The following REEP4 variants were observed in gnomAD, a reference collection of about 807,000 sequenced individuals.
REEP4 encodes receptor expression-enhancing protein 4.
REEP4 carries 17 observed loss-of-function variants against 33.5 expected under a neutral mutation model. The observed-to-expected ratio is 0.51, with a 90% CI of 0.35 to 0.76. The LOEUF (loss-of-function observed/expected upper bound fraction) is 0.76, where lower values mean the gene tolerates loss of function less well. REEP4 is among the 30% of genes least tolerant of loss of function. REEP4 has a pLI of 0.01. For missense variants in REEP4, 340 were observed against 357.9 expected, an observed-to-expected ratio of 0.95 and a Z score of 0.40; for synonymous variants, 157 against 142.9, an observed-to-expected ratio of 1.10 and a Z score of -0.70.
At position 22,139,514 on chromosome 8, in the gene REEP4, T is replaced by C. The variant is rs561480835; in HGVS notation, c.319A>G (p.Ile107Val). Residue 107 changes from isoleucine to valine, a missense_variant, in exon 5 of 8, where the codon ATC (isoleucine) becomes GTC (valine). Physicochemically the swap from Ile to Val is conservative, Grantham distance 29. Transcript: ENST00000306306. ...TAGCTGCGCTCCTTGGCCTGCACGA[T>C]GTACGCGTCGATCTCCTGTGGACCC... The part of the protein sequence containing the change: ...SRHEKEIDAY[I>V]VQAKERSYET... 9 of 1,609,808 alleles carry C rather than the reference T, an allele frequency of 5.6e-6. No homozygotes were observed. The African/African-American group carries it at 8.0e-5, about 14-fold the overall frequency.
In REEP4 at chr8:22,141,332, A is replaced by T. The variant is rs1051856514; in HGVS notation, c.32+119T>A. The T allele has an allele frequency of 1.1e-5, 13 of 1,218,364 alleles. No homozygotes were observed. In the Admixed American group the frequency reaches 1.9e-4, roughly 17 times the overall value. The allele number at this position is 1,218,364 out of a possible 1,614,324, so 75.5% of individuals were successfully genotyped here. ...AGCCCACAGGTCCGTTAACCCTTGC[A>T]TGGAGTGCTGGAGGGTGGAGCTCAG... On this transcript the variant is annotated intron_variant, in intron 1 of 7. Coordinates refer to ENST00000306306, the MANE Select transcript of REEP4 (RefSeq NM_025232.4).
In REEP4 at chr8:22,138,392, G is replaced by A. The variant is rs768289641; in HGVS notation, c.*95C>T. The A allele has an allele frequency of 1.0e-5, 15 of 1,432,084 alleles. No homozygotes were observed. The Admixed American group carries it at 2.6e-4, about 24-fold the overall frequency. The allele number at this position is 1,432,084 out of a possible 1,614,324, so 88.7% of individuals were successfully genotyped here. ...TCAGGAGGGTGGGGCCCAGGCAGCT[G>A]GTGCAGGCAGGCCAGATGTGCAGCC... is the stretch of plus-strand genomic sequence containing the variant. On this transcript the variant is annotated 3_prime_UTR_variant, in exon 8 of 8. Coordinates refer to ENST00000306306, the MANE Select transcript of REEP4 (RefSeq NM_025232.4).
chr8:22,139,312 C>T, intron 5 of REEP4, 104 bp downstream of exon 5: 1 of 1,042,026 alleles, frequency 9.6e-7, no homozygotes, highest in Non-Finnish European at 1.4e-6. Context: ...CTCACCCCTG[C>T]TCCCCGGCTG....
Position 22,139,038 on chromosome 8 carries a change from C to A in REEP4, c.441G>T (p.Arg147Ser), listed in dbSNP as rs376569868. 6 of 1,581,108 alleles carry A rather than the reference C, an allele frequency of 3.8e-6. No individual in the cohort carries two copies. Among genetic ancestry groups the A allele is most frequent in the Non-Finnish European group, 5.1e-6 (6 of 1,165,188 alleles). ...GGTCCTGCATGGAGAAGCTCCGCAG[C>A]CTGCCGGCCAGCGCCCCCTGACTCT... The part of the protein sequence containing the change: ...ATKSQGALAG[R>S]LRSFSMQDLR... Residue 147 changes from arginine (R) to serine (S), a missense_variant, in exon 6 of 8, where the codon AGG becomes AGT. Arg to Ser is a moderately radical substitution (Grantham distance 110, BLOSUM62 -1). Coordinates refer to ENST00000306306, the MANE Select transcript of REEP4 (RefSeq NM_025232.4).
At chr8:22,141,253 G>A (rs1336986379) in intron 1 of REEP4, among the ~76,000 whole-genome samples, 198 bp downstream of exon 1, 1 of 152,240 alleles carries the variant, frequency 6.6e-6, no homozygotes, top group Non-Finnish European at 1.5e-5. Flanking sequence ...GTCGTTCTCA[G>A]CCAACGAGGC....
rs1827157930 is a variant in REEP4 at position 22,138,175 on chromosome 8, G to C, written c.*312C>G. On this transcript the variant is annotated 3_prime_UTR_variant, in exon 8 of 8. Coordinates refer to ENST00000306306, the MANE Select transcript of REEP4 (RefSeq NM_025232.4). The stretch of plus-strand genomic sequence containing the variant: ...ATGAACACACCCAGGTGGACGTTTG[G>C]TTTCATTTGCAGGGGTTCAGGGAGG... The C allele has an allele frequency of 1.7e-6, 1 of 602,158 alleles. No individual in the cohort carries two copies. The highest frequency in any genetic ancestry group is 3.0e-6 in the Non-Finnish European group (1 of 337,304). The allele number at this position is 602,158 out of a possible 1,614,324, so 37.3% of individuals were successfully genotyped here. A position where few individuals can be genotyped will look rare whatever the true frequency, so the allele number is the denominator to read the frequency against.
intron 1 of REEP4, 83 bp downstream of exon 1, chr8:22,141,368 C>T: frequency 1.3e-6 from 2 of 1,506,052 alleles, no homozygotes; most frequent in Non-Finnish European, 1.8e-6. Context: ...AAAGTTCCTC[C>T]TCCCACTAGA....
intron 2 of REEP4, 63 bp from the exon 3 acceptor site, chr8:22,140,311 G>T: frequency 6.5e-7 from 1 of 1,528,240 alleles, no homozygotes; most frequent in Non-Finnish European, 9.1e-7. Flanking sequence ...ACCCAGGCCA[G>T]CCCAGCCCAG....
rs141897457 is a variant in REEP4 at position 22,139,481 on chromosome 8, C to T, written c.352G>A (p.Val118Met). ...VQAKERSYET[V>M]LSFGKRGLNI... Reference sequence around the variant, plus strand: ...AGGCCCCGCTTCCCGAAGCTGAGCACGGTCTCGTAGCTGCGCTCCTTGGCC... The same window carrying T: ...AGGCCCCGCTTCCCGAAGCTGAGCATGGTCTCGTAGCTGCGCTCCTTGGCC... Residue 118 changes from valine (V) to methionine (M), a missense_variant, in exon 5 of 8, where the codon GTG (valine) becomes ATG (methionine). Physicochemically the swap from Val to Met is conservative, Grantham distance 21 (BLOSUM62 1). Transcript: ENST00000306306. 4.2e-5 allele frequency: 68 copies of T among 1,610,706 alleles called. No individual in the cohort carries two copies. Among genetic ancestry groups the T allele is most frequent in the Middle Eastern group, 1.6e-4 (1 of 6,082 alleles).
intron 4 of REEP4, 88 bp from the exon 5 acceptor site, chr8:22,139,617 C>A (rs1030928745): frequency 1.8e-6 from 2 of 1,133,476 alleles, no homozygotes; most frequent in South Asian, 1.5e-5. Flanking sequence ...GTTGTGGCGC[C>A]ACCCAGCCCA....
intron 4 of REEP4, 101 bp from the exon 5 acceptor site, chr8:22,139,630 C>A (rs569704968): frequency 1.0e-6 from 1 of 984,838 alleles, no homozygotes; most frequent in Non-Finnish European, 1.5e-6. Flanking sequence ...CCAGCCCAGC[C>A]CAGCCCCACC....
At chr8:22,139,245 C>T (rs749960355) in intron 5 of REEP4, 171 bp downstream of exon 5, 13 of 982,274 alleles carry the variant, frequency 1.3e-5, no homozygotes, top group Middle Eastern at 2.0e-4. Context: ...GTGCCAGAGC[C>T]AGGAAGGAAG....
rs1563197984 is a variant in REEP4, at chr8:22,138,322, T to C, written c.*165A>G. ...TACATTGTGGGTGCATCCCTGCATG[T>C]GGCCTTGGCAGCATCTGCTCCCGGC... On this transcript the variant is annotated 3_prime_UTR_variant, in exon 8 of 8. Transcript: ENST00000306306. 1 of 791,136 alleles carries C rather than the reference T, an allele frequency of 1.3e-6. No individual in the cohort carries two copies. Among genetic ancestry groups the C allele is most frequent in the Non-Finnish European group, 2.2e-6 (1 of 464,736 alleles). The allele number at this position is 791,136 out of a possible 1,614,324, so 49.0% of individuals were successfully genotyped here. A position where few individuals can be genotyped will look rare whatever the true frequency, so the allele number is the denominator to read the frequency against.
intron 7 of REEP4, 25 bp downstream of exon 7, chr8:22,138,614 C>CCTCCTGT (rs1157909456): frequency 3.1e-6 from 5 of 1,613,972 alleles, no homozygotes; most frequent in Non-Finnish European, 4.2e-6. Context: ...AGCCCTCCTC[C>CCTCCTGT]CTCCTGTCGT....
Position 22,138,741 on chromosome 8 carries a change from T to G in REEP4, c.606A>C (p.Ser202=), listed in dbSNP as rs1270291084. The change falls in exon 7 of 8, where the codon TCA becomes TCC. Residue 202 remains serine, a synonymous_variant. Coordinates refer to ENST00000306306, the MANE Select transcript of REEP4 (RefSeq NM_025232.4). Reference sequence around the variant, plus strand: ...GCGCCCGGGGGACTGCCTCAGTATCTGACCAACACTCATCCTCGGTGTCGC... The same window carrying G: ...GCGCCCGGGGGACTGCCTCAGTATCGGACCAACACTCATCCTCGGTGTCGC... ...QDSDTEDECW[S]DTEAVPRAPA... 3 of 1,611,838 alleles carry G rather than the reference T, an allele frequency of 1.9e-6. No individual in the cohort carries two copies. The African/African-American group carries it at 4.0e-5, about 22-fold the overall frequency.
intron 3 of REEP4, 38 bp downstream of exon 3, chr8:22,140,134 C>T: frequency 6.2e-7 from 1 of 1,614,108 alleles, no homozygotes; most frequent in Non-Finnish European, 8.5e-7. Context: ...CTGGGGGGGC[C>T]ACCCCTGACC....
chr8:22,138,499 G>A lies in REEP4; in HGVS notation c.762C>T (p.Asp254=), dbSNP rs543083985. The part of the protein sequence containing the change: ...VRTRKKTVPS[D]VDS ...GATGCAGCAGACCCTAGCTGTCCAC[G>A]TCTGAGGGCACAGTCTTTTTCCTCG... Residue 254 remains aspartate (D), a synonymous_variant, in exon 8 of 8, where the codon GAC becomes GAT. Coordinates refer to ENST00000306306, the MANE Select transcript of REEP4 (RefSeq NM_025232.4). 115 of 1,613,008 alleles carry A rather than the reference G, an allele frequency of 7.1e-5. No individual in the cohort carries two copies. The highest frequency in any genetic ancestry group is 1.6e-4 in the Middle Eastern group (1 of 6,062).
chr8:22,141,022 C>T (rs1208146575), intron 1 of REEP4, among the ~76,000 whole-genome samples: 2 of 152,384 alleles, frequency 1.3e-5, no homozygotes, highest in Non-Finnish European at 2.9e-5. Flanking sequence ...CCAGACCTGA[C>T]ACTGCTGGGT....
At chr8:22,140,465 G>GC in intron 2 of REEP4, 160 bp downstream of exon 2, 1 of 616,646 alleles carries the variant, frequency 1.6e-6, no homozygotes, top group South Asian at 4.1e-5. Context: ...CCGATGGCCT[G>GC]CCCTCTATCT....
Sources: gnomAD v4.1 joint callset for allele counts (sites outside exome capture counted in the v4.1 genomes callset) on GRCh38, gnomAD v4.1.1 for gene constraint, MANE v1.5 for transcripts, NCBI Gene and HGNC (gene_info 2026-07-23, HGNC 2026-07-21) for gene names.